Variants in LAMA2 observed in about 807,000 individuals in gnomAD.
LAMA2 encodes laminin subunit alpha-2.
A neutral mutation model predicts 364.8 loss-of-function variants in LAMA2; 269 were observed. The ratio of observed to expected loss-of-function variants is 0.74; its 90% CI spans 0.67 to 0.82. The LOEUF (loss-of-function observed/expected upper bound fraction) is 0.82, where lower values mean the gene tolerates loss of function less well. Ranked by LOEUF, LAMA2 falls within the 40% of genes least tolerant of loss-of-function variation. LAMA2 has a pLI of 0.00. For missense variants in LAMA2, 3,807 were observed against 3,873.2 expected (o/e 0.98, Z 0.45); for synonymous variants, 1,379 against 1,370.6 (o/e 1.01, Z -0.14).
chr6:129,514,440 A>G lies in LAMA2; in HGVS notation c.9056A>G (p.His3019Arg). Residue 3019 changes from histidine (H) to arginine (R), a missense_variant, in exon 64 of 65, where the codon CAT becomes CGT. By Grantham distance (29) the His-to-Arg change is conservative. Transcript: ENST00000421865. ...TAVYDAGVPG[H>R]LCDGQWHKVT... is the part of the protein sequence containing the mutation. ...GTCTATGATGCTGGGGTTCCAGGGC[A>G]TTTGTGTGATGGACAATGGCATAAA... is the stretch of plus-strand genomic sequence containing the variant. The G allele has an allele frequency of 6.2e-7, 1 of 1,614,044 alleles. No individual in the cohort carries two copies.
chr6:129,214,811 A>G (rs968894694), intron 12 of LAMA2, among the ~76,000 whole-genome samples: 3 of 152,150 alleles, frequency 2.0e-5, no homozygotes, highest in African/African-American at 7.2e-5. Flanking sequence ...TTGATATCCA[A>G]AAAATAACTT....
intron 61 of LAMA2, 131 bp downstream of exon 61, chr6:129,505,486 G>T: frequency 2.7e-6 from 2 of 727,638 alleles, no homozygotes. Context: ...TCTGATAAGG[G>T]ACAGAAGGGT....
intron 1 of LAMA2, among the ~76,000 whole-genome samples, chr6:128,909,335 A>G (rs914252901): frequency 4.6e-5 from 7 of 152,092 alleles, no homozygotes; most frequent in Middle Eastern, 3.4e-3. Context: ...TTGGGTGCGT[A>G]TATATTTAGG....
intron 11 of LAMA2, among the ~76,000 whole-genome samples, chr6:129,191,645 A>C (rs968349141): frequency 1.3e-4 from 19 of 143,128 alleles, no homozygotes; most frequent in African/African-American, 5.4e-4. Context: ...TGTTGTCCAG[A>C]AAGTCAACAG....
Position 129,051,899 on chromosome 6 carries a change from G to A in LAMA2, c.283+1811G>A, listed in dbSNP as rs534667879. ...GGCATGAACGGAGTTGTGGGGAGGAGGTGCGAGTGTGTAGATGTGTGTTTA... is the reference window on the plus strand; with the variant it reads ...GGCATGAACGGAGTTGTGGGGAGGAAGTGCGAGTGTGTAGATGTGTGTTTA... On this transcript the variant is annotated intron_variant, in intron 2 of 64. Coordinates refer to ENST00000421865, the MANE Select transcript of LAMA2 (RefSeq NM_000426.4). Among the ~76,000 whole-genome samples, 440 of 151,818 alleles carry A rather than the reference G, an allele frequency of 2.9e-3. 1 individual carries two copies. Among genetic ancestry groups the A allele is most frequent in the African/African-American group, 0.01 (418 of 41,416 alleles).
chr6:129,233,260 C>T (rs1366584810), intron 12 of LAMA2, among the ~76,000 whole-genome samples: 5 of 152,062 alleles, frequency 3.3e-5, no homozygotes, highest in Admixed American at 6.6e-5. Flanking sequence ...AAGTTTGTTA[C>T]GGTAGCAATA....
chr6:129,483,046 G>A lies in LAMA2; in HGVS notation c.7749+1607G>A, dbSNP rs113031006. ...TGTGCCATTGCACTCCAGCCTGCGCGACAATGTGAGACTCCGACTCGAAAA... is the reference window on the plus strand; with the variant it reads ...TGTGCCATTGCACTCCAGCCTGCGCAACAATGTGAGACTCCGACTCGAAAA... On this transcript the variant is annotated intron_variant, in intron 55 of 64. Coordinates refer to ENST00000421865, the MANE Select transcript of LAMA2 (RefSeq NM_000426.4). Among the ~76,000 whole-genome samples, 1,266 of 138,202 alleles carry A rather than the reference G, an allele frequency of 9.2e-3. 12 individuals carry two copies. The highest frequency in any genetic ancestry group is 0.014 in the Non-Finnish European group (954 of 65,850). 90.7% of individuals were successfully genotyped at this position (138,202 alleles called of 152,430 possible). A position where few individuals can be genotyped will look rare whatever the true frequency, so the allele number is the denominator to read the frequency against.
intron 1 of LAMA2, among the ~76,000 whole-genome samples, chr6:128,995,234 G>T (rs972530387): frequency 1.3e-5 from 2 of 152,266 alleles, no homozygotes; most frequent in African/African-American, 4.8e-5. Context: ...GAGTACATGT[G>T]CAGGTATATA....
intron 55 of LAMA2, among the ~76,000 whole-genome samples, chr6:129,483,890 T>C (rs1460717953): frequency 1.3e-5 from 2 of 152,206 alleles, no homozygotes; most frequent in African/African-American, 4.8e-5. Flanking sequence ...CAGTGAATGA[T>C]TTCAGGGCAA....
chr6:128,976,748 C>T (rs780691633), intron 1 of LAMA2, among the ~76,000 whole-genome samples: 4 of 152,070 alleles, frequency 2.6e-5, no homozygotes, highest in African/African-American at 9.7e-5. Flanking sequence ...TCATACGAAT[C>T]CTAAGAAATT....
intron 39 of LAMA2, among the ~76,000 whole-genome samples, chr6:129,403,136 GC>G (rs746346714): frequency 3.9e-4 from 60 of 152,270 alleles, no homozygotes; most frequent in Middle Eastern, 3.4e-3. Flanking sequence ...GGTGCTATTA[GC>G]CCCAAGAATA....
chr6:128,981,240 C>G (rs1782845349), intron 1 of LAMA2, among the ~76,000 whole-genome samples: 1 of 152,104 alleles, frequency 6.6e-6, no homozygotes, highest in South Asian at 2.1e-4. Flanking sequence ...ATTTTAAGAT[C>G]AGGCTATTTT....
chr6:129,299,962 T>C (rs572585221), intron 21 of LAMA2, among the ~76,000 whole-genome samples: 38 of 152,330 alleles, frequency 2.5e-4, no homozygotes, highest in African/African-American at 7.9e-4. Context: ...CATGAAACGC[T>C]GCACTAGAAA....
chr6:129,479,287 G>GTCTT (rs1259436957), intron 54 of LAMA2, among the ~76,000 whole-genome samples: 1 of 152,238 alleles, frequency 6.6e-6, no homozygotes, highest in South Asian at 2.1e-4. Context: ...TAGCCCCCTT[G>GTCTT]TCTTTGAAAT....
At chr6:129,187,237 T>G (rs1781281239) in intron 10 of LAMA2, among the ~76,000 whole-genome samples, 1 of 151,670 alleles carries the variant, frequency 6.6e-6, no homozygotes, top group Admixed American at 6.6e-5. Context: ...AACAATGATG[T>G]CCCTGGGGAC....
chr6:129,457,910 G>A (rs1246529673), intron 48 of LAMA2, among the ~76,000 whole-genome samples: 1 of 151,992 alleles, frequency 6.6e-6, no homozygotes, highest in Non-Finnish European at 1.5e-5. Context: ...ATTTTATAAG[G>A]GCACTAATTT....
At chr6:129,056,318 T>C (rs1409604502) in intron 2 of LAMA2, among the ~76,000 whole-genome samples, 1 of 152,230 alleles carries the variant, frequency 6.6e-6, no homozygotes, top group East Asian at 1.9e-4. Flanking sequence ...ATGCTTCTGA[T>C]ATTTGCTGTC....
chr6:128,996,576 A>G (rs557336840), intron 1 of LAMA2, among the ~76,000 whole-genome samples: 2 of 152,374 alleles, frequency 1.3e-5, no homozygotes, highest in South Asian at 4.1e-4. Flanking sequence ...CGACAATGAG[A>G]TACCAACTCA....
chr6:129,402,532 T>A, intron 39 of LAMA2, 45 bp downstream of exon 39: 1 of 1,582,666 alleles, frequency 6.3e-7, no homozygotes, highest in Non-Finnish European at 8.7e-7. Flanking sequence ...TTGATGCTTG[T>A]CCAAAGGTTT....
Sources: allele counts gnomAD v4.1 joint callset (sites outside exome capture counted in the v4.1 genomes callset), GRCh38; gene constraint gnomAD v4.1.1; transcripts MANE v1.5; gene names NCBI Gene and HGNC (gene_info 2026-07-23, HGNC 2026-07-21).